The following CALN1 variants were observed in gnomAD, a reference collection of about 807,000 sequenced individuals.
The protein encoded by CALN1 is calcium-binding protein 8.
Under a neutral mutation model 30.6 loss-of-function variants are expected in CALN1, and 17 were observed. The ratio of observed to expected loss-of-function variants is 0.56; its 90% CI spans 0.38 to 0.83. The LOEUF (loss-of-function observed/expected upper bound fraction) is 0.83. Among genes scored for constraint, CALN1 ranks in the 40% least tolerant of loss-of-function variants. The probability of loss-of-function intolerance (pLI) is 0.00; values close to 1 mark genes in which losing one functional copy is unlikely to be tolerated. For synonymous variants in CALN1, 156 were observed against 131.4 expected, an observed-to-expected ratio of 1.19 and a Z score of -1.28; for missense variants, 291 against 354.9, an observed-to-expected ratio of 0.82 and a Z score of 1.45.
intron 2 of CALN1, among the ~76,000 whole-genome samples, chr7:72,379,520 T>C (rs1467281567): frequency 1.3e-5 from 2 of 152,384 alleles, no homozygotes; most frequent in East Asian, 3.9e-4. Flanking sequence ...CTATTCATTA[T>C]GTCGTTTCAA....
intron 2 of CALN1, among the ~76,000 whole-genome samples, chr7:72,356,870 G>A (rs1803263826): frequency 6.6e-6 from 1 of 151,934 alleles, no homozygotes; most frequent in African/African-American, 2.4e-5. Context: ...AGCTGCTTCA[G>A]GGCAGTGAGA....
intron 5 of CALN1, among the ~76,000 whole-genome samples, chr7:71,824,456 G>C (rs904454459): frequency 8.6e-5 from 13 of 152,034 alleles, no homozygotes; most frequent in African/African-American, 3.1e-4. Flanking sequence ...AGTCCCCAGT[G>C]AAGTCTGAAT....
intron 6 of CALN1, among the ~76,000 whole-genome samples, chr7:71,807,552 T>C (rs1243201926): frequency 6.6e-6 from 1 of 152,224 alleles, no homozygotes; most frequent in East Asian, 1.9e-4. Context: ...AAAGGGATTA[T>C]GTAATGACCG....
chr7:72,192,631 A>T (rs1221031215), intron 3 of CALN1, among the ~76,000 whole-genome samples: 1 of 444 alleles, frequency 2.3e-3, no homozygotes, highest in Admixed American at 0.042. Flanking sequence ...TTCTTTTATT[A>T]TTATTATTAT....
At chr7:71,983,698 A>G (rs960128126) in intron 5 of CALN1, among the ~76,000 whole-genome samples, 3 of 152,080 alleles carry the variant, frequency 2.0e-5, no homozygotes, top group Admixed American at 2.0e-4. Context: ...TGCCTGGCTA[A>G]TTTTTGTATT....
intron 4 of CALN1, among the ~76,000 whole-genome samples, chr7:72,038,551 G>C (rs1172507807): frequency 6.6e-6 from 1 of 152,114 alleles, no homozygotes; most frequent in African/African-American, 2.4e-5. Flanking sequence ...ATCTTGAATA[G>C]GAGCTGGGTA....
At chr7:72,315,694 G>C (rs1019843930) in intron 2 of CALN1, among the ~76,000 whole-genome samples, 4 of 150,774 alleles carry the variant, frequency 2.7e-5, no homozygotes, top group Admixed American at 2.6e-4. Flanking sequence ...GACACAGTGA[G>C]ACCCTGTCTC....
At chr7:72,186,816 T>C (rs957581590) in intron 3 of CALN1, among the ~76,000 whole-genome samples, 1 of 151,988 alleles carries the variant, frequency 6.6e-6, no homozygotes, top group Non-Finnish European at 1.5e-5. Flanking sequence ...CCACCACTGA[T>C]GGACACCTGT....
At chr7:71,841,924 T>A (rs948043004) in intron 5 of CALN1, among the ~76,000 whole-genome samples, 4 of 151,648 alleles carry the variant, frequency 2.6e-5, no homozygotes, top group African/African-American at 9.7e-5. Context: ...GAATGATGGG[T>A]TCAATAGATA....
rs571005399 is a variant in CALN1, at chr7:72,335,220, G to A, written c.120-56410C>T. 3.9e-5 allele frequency among the ~76,000 whole-genome samples: 6 copies of A among 152,300 alleles called. No individual in the cohort carries two copies. In the South Asian group the frequency reaches 1.2e-3, roughly 32 times the overall value. ...AGCCAAGAAGGAGAGCTGGAATGGGGCTTCTATGAAAAACACGTCCTGTTC... is the reference window on the plus strand; with the variant it reads ...AGCCAAGAAGGAGAGCTGGAATGGGACTTCTATGAAAAACACGTCCTGTTC... On this transcript the variant is annotated intron_variant, in intron 2 of 6. Coordinates refer to ENST00000395275, the MANE Select transcript of CALN1 (RefSeq NM_031468.4).
chr7:72,124,562 G>A (rs968644026), intron 3 of CALN1, among the ~76,000 whole-genome samples: 1 of 151,938 alleles, frequency 6.6e-6, no homozygotes, highest in Non-Finnish European at 1.5e-5. Flanking sequence ...TGAAGTGGGA[G>A]GATTGCTTAA....
intron 5 of CALN1, among the ~76,000 whole-genome samples, chr7:71,847,905 C>T (rs1790413763): frequency 6.6e-6 from 1 of 152,108 alleles, no homozygotes; most frequent in Non-Finnish European, 1.5e-5. Context: ...TGTCTTGCCA[C>T]CACCATGTAA....
intron 5 of CALN1, among the ~76,000 whole-genome samples, chr7:71,975,048 G>A (rs116139122): frequency 2.1e-4 from 32 of 152,236 alleles, no homozygotes; most frequent in African/African-American, 7.2e-4. Flanking sequence ...CAACCAGCTG[G>A]GGCTTTCACC....
rs575367600 is a variant in CALN1, at chr7:72,147,156, G to C, written c.245-40862C>G. Among the ~76,000 whole-genome samples the C allele has an allele frequency of 3.9e-5, 6 of 152,282 alleles. 1 individual carries two copies. The highest frequency in any genetic ancestry group is 3.9e-4 in the Admixed American group (6 of 15,294). On this transcript the variant is annotated intron_variant, in intron 3 of 6. Coordinates refer to ENST00000395275, the MANE Select transcript of CALN1 (RefSeq NM_031468.4). ...ACTCAAGAGCTTCTGCACAGCAAAA[G>C]AAACTACCATCAGAGTGAACAGGCA...
At chr7:72,419,836 G>A (rs887838802) in intron 1 of CALN1, among the ~76,000 whole-genome samples, 4 of 152,136 alleles carry the variant, frequency 2.6e-5, no homozygotes, top group Non-Finnish European at 5.9e-5. Context: ...GGTTTTGGAG[G>A]GGAGCCCAGC....
chr7:72,422,020 A>G (rs910108661), intron 1 of CALN1, among the ~76,000 whole-genome samples: 6 of 151,986 alleles, frequency 3.9e-5, no homozygotes, highest in African/African-American at 1.2e-4. Flanking sequence ...TTCTTTATCC[A>G]CTTGTGGATC....
At chr7:72,449,669 G>C (rs916661468), upstream of CALN1, among the ~76,000 whole-genome samples, 1 of 151,872 alleles carries the variant, frequency 6.6e-6, no homozygotes, top group Admixed American at 6.6e-5. Context: ...TCAGGAGATC[G>C]AGACCATCCT....
At chr7:72,431,101 T>C (rs977264700) in intron 1 of CALN1, among the ~76,000 whole-genome samples, 1 of 151,962 alleles carries the variant, frequency 6.6e-6, no homozygotes, top group Admixed American at 6.6e-5. Context: ...GGCTAATTTT[T>C]GTATTTTCAG....
At chr7:71,889,918 T>C (rs569697321) in intron 5 of CALN1, among the ~76,000 whole-genome samples, 4 of 151,012 alleles carry the variant, frequency 2.6e-5, no homozygotes, top group African/African-American at 9.8e-5. Flanking sequence ...TGTGCCGAGA[T>C]TGCACTACTG....
Sources: gnomAD v4.1 joint callset for allele counts (sites outside exome capture counted in the v4.1 genomes callset) on GRCh38, gnomAD v4.1.1 for gene constraint, MANE v1.5 for transcripts, NCBI Gene and HGNC (gene_info 2026-07-23, HGNC 2026-07-21) for gene names.